SLC2A13: variants seen among roughly 807,000 people sequenced by gnomAD.
The protein encoded by SLC2A13 is proton myo-inositol cotransporter.
SLC2A13 carries 32 observed loss-of-function variants against 64.4 expected under a neutral mutation model. The observed-to-expected ratio is 0.50, with a 90% CI of 0.37 to 0.67. SLC2A13 has a LOEUF of 0.67. Among genes scored for constraint, SLC2A13 ranks in the 30% least tolerant of loss-of-function variants. The pLI is 0.00. For missense variants in SLC2A13, 743 were observed against 829.2 expected (o/e 0.90, Z 1.28); for synonymous variants, 338 against 327.1 (o/e 1.03, Z -0.36).
At chr12:40,065,374 G>A (rs1292782591) in intron 1 of SLC2A13, among the ~76,000 whole-genome samples, 2 of 151,726 alleles carry the variant, frequency 1.3e-5, no homozygotes, top group Non-Finnish European at 2.9e-5. Flanking sequence ...CTGAGCTCAG[G>A]AGTTCCAGAC....
chr12:39,941,078 T>A (rs1946016694), intron 4 of SLC2A13, among the ~76,000 whole-genome samples: 1 of 151,868 alleles, frequency 6.6e-6, no homozygotes, highest in African/African-American at 2.4e-5. Flanking sequence ...TTCCATCATA[T>A]ATATATGATT....
chr12:39,997,555 G>T (rs1026010068), intron 3 of SLC2A13, among the ~76,000 whole-genome samples: 1 of 152,178 alleles, frequency 6.6e-6, no homozygotes, highest in Non-Finnish European at 1.5e-5. Context: ...ATCAGGCCAG[G>T]CATAATGGCT....
chr12:40,086,872 T>C (rs542336546), intron 1 of SLC2A13, among the ~76,000 whole-genome samples: 10 of 152,224 alleles, frequency 6.6e-5, no homozygotes, highest in Non-Finnish European at 1.5e-4. Flanking sequence ...GCTCATTTTC[T>C]CTAATGCAGT....
intron 2 of SLC2A13, among the ~76,000 whole-genome samples, chr12:40,039,465 T>G (rs889602733): frequency 1.3e-5 from 2 of 152,260 alleles, no homozygotes; most frequent in African/African-American, 4.8e-5. Context: ...TCTTATTCAT[T>G]CCTGTGTTCT....
intron 6 of SLC2A13, among the ~76,000 whole-genome samples, chr12:39,833,103 C>G (rs749212250): frequency 6.6e-6 from 1 of 152,084 alleles, no homozygotes; most frequent in Non-Finnish European, 1.5e-5. Context: ...CAGCAAACTA[C>G]AACTGTTGAG....
At position 39,840,227 on chromosome 12, in the gene SLC2A13, T is replaced by C. The variant is rs527487213; in HGVS notation, c.1320-9999A>G. On this transcript the variant is annotated intron_variant, in intron 6 of 9. Transcript: ENST00000280871. ...TTGTATTATTAGTAGAGTTGGGGTT[T>C]CACCATGTTGGCCAGCCACCACGCC... Among the ~76,000 whole-genome samples, 12 of 152,042 alleles carry C rather than the reference T, an allele frequency of 7.9e-5. No individual in the cohort carries two copies. The South Asian group carries it at 2.5e-3, about 32-fold the overall frequency.
At chr12:39,837,661 C>T (rs1169728147) in intron 6 of SLC2A13, among the ~76,000 whole-genome samples, 5 of 151,228 alleles carry the variant, frequency 3.3e-5, no homozygotes, top group Admixed American at 1.3e-4. Flanking sequence ...ACAAACAACC[C>T]CATCAAAAAG....
intron 6 of SLC2A13, among the ~76,000 whole-genome samples, chr12:39,842,544 C>T (rs1161645037): frequency 6.6e-6 from 1 of 151,960 alleles, no homozygotes; most frequent in Admixed American, 6.6e-5. Flanking sequence ...GGTTACACTC[C>T]CCAGTAAAAT....
chr12:39,887,959 G>A (rs931272089), intron 4 of SLC2A13, among the ~76,000 whole-genome samples: 1 of 152,118 alleles, frequency 6.6e-6, no homozygotes, highest in Non-Finnish European at 1.5e-5. Flanking sequence ...GAGTCAGTTT[G>A]CCCCTGCTTC....
chr12:39,835,140 T>A (rs1011727902), intron 6 of SLC2A13, among the ~76,000 whole-genome samples: 1 of 152,102 alleles, frequency 6.6e-6, no homozygotes, highest in African/African-American at 2.4e-5. Flanking sequence ...TTTCTTTTGG[T>A]CTATTTTGGT....
At chr12:40,080,636 C>T (rs562757459) in intron 1 of SLC2A13, among the ~76,000 whole-genome samples, 245 of 152,350 alleles carry the variant, frequency 1.6e-3, no homozygotes, top group Middle Eastern at 0.01. Flanking sequence ...AGGTGATCCA[C>T]CTGCCTCAGT....
At chr12:39,999,671 T>C in intron 3 of SLC2A13, among the ~76,000 whole-genome samples, 1 of 152,238 alleles carries the variant, frequency 6.6e-6, no homozygotes, top group Admixed American at 6.5e-5. Flanking sequence ...GTAATTCTGC[T>C]TTTGCCCTTT....
intron 7 of SLC2A13, among the ~76,000 whole-genome samples, chr12:39,798,499 C>T (rs921921299): frequency 6.6e-6 from 1 of 152,104 alleles, no homozygotes; most frequent in Admixed American, 6.5e-5. Context: ...AATCTAGATC[C>T]CCAAGTAACT....
At chr12:39,815,188 C>A (rs1942306246) in intron 7 of SLC2A13, among the ~76,000 whole-genome samples, 1 of 152,144 alleles carries the variant, frequency 6.6e-6, no homozygotes, top group Admixed American at 6.5e-5. Context: ...CAGAGCTAAG[C>A]TTCCCATTGA....
chr12:40,105,553 C>G lies in SLC2A13; in HGVS notation c.256G>C (p.Val86Leu), dbSNP rs775125127. The G allele has an allele frequency of 8.9e-6, 14 of 1,577,216 alleles. No individual in the cohort carries two copies. In the South Asian group the frequency reaches 1.5e-4, roughly 17 times the overall value. Residue 86 changes from valine (V) to leucine (L), a missense_variant, in exon 1 of 10, where the codon GTC (valine) becomes CTC (leucine). Val to Leu is a conservative substitution (Grantham distance 32). Transcript: ENST00000280871. This position sits in a 1 kb window ranked among gnomAD's most constrained non-coding sequence, Gnocchi z 4.2. ...AGGAAGCCGCCCAGCGCGGAGAAGACGGCCACCACGTACACGAAGGCGGGG... is the reference window on the plus strand; with the variant it reads ...AGGAAGCCGCCCAGCGCGGAGAAGAGGGCCACCACGTACACGAAGGCGGGG... ...ETPAFVYVVA[V>L]FSALGGFLFG...
chr12:39,965,055 A>T (rs1946483690), intron 3 of SLC2A13, among the ~76,000 whole-genome samples: 1 of 152,224 alleles, frequency 6.6e-6, no homozygotes, highest in African/African-American at 2.4e-5. Flanking sequence ...AATCAGATAC[A>T]AATGACAAGA....
At chr12:39,915,040 A>AT in intron 4 of SLC2A13, among the ~76,000 whole-genome samples, 1 of 152,112 alleles carries the variant, frequency 6.6e-6, no homozygotes, top group South Asian at 2.1e-4. Flanking sequence ...CATAAGACAC[A>AT]TTTTCAATTT....
At chr12:39,877,770 T>A (rs1944227283) in intron 4 of SLC2A13, among the ~76,000 whole-genome samples, 1 of 152,202 alleles carries the variant, frequency 6.6e-6, no homozygotes, top group South Asian at 2.1e-4. Context: ...TTCTAAACCT[T>A]TATGCAGTAG....
chr12:39,796,490 T>C (rs1201247168), intron 7 of SLC2A13, among the ~76,000 whole-genome samples: 1 of 151,988 alleles, frequency 6.6e-6, no homozygotes, highest in Admixed American at 6.6e-5. Flanking sequence ...TCTAGGCCAT[T>C]TCCTTAAAAG....
Sources: gnomAD v4.1 joint callset for allele counts (sites outside exome capture counted in the v4.1 genomes callset) on GRCh38, gnomAD v4.1.1 for gene constraint, Gnocchi (gnomAD v3.1) non-coding constraint, MANE v1.5 for transcripts, NCBI Gene and HGNC (gene_info 2026-07-23, HGNC 2026-07-21) for gene names.